The following RBMS1 variants were observed in gnomAD, a reference collection of about 807,000 sequenced individuals.
The protein encoded by RBMS1 is RNA binding motif single stranded interacting protein 1.
Under a neutral mutation model 62.3 loss-of-function variants are expected in RBMS1, and 17 were observed. That is an observed-to-expected ratio of 0.27 (90% CI 0.19 to 0.41). RBMS1 has a LOEUF of 0.41. Among genes scored for constraint, RBMS1 ranks in the 10% least tolerant of loss-of-function variants. The probability of loss-of-function intolerance (pLI) is 1.00; values close to 1 mark genes in which losing one functional copy is unlikely to be tolerated. For synonymous variants in RBMS1, 172 were observed against 170.0 expected (o/e 1.01, Z -0.09); for missense variants, 334 against 504.5 (o/e 0.66, Z 3.24).
intron 1 of RBMS1, among the ~76,000 whole-genome samples, chr2:160,378,287 T>C (rs1034072208): frequency 1.3e-5 from 2 of 152,156 alleles, no homozygotes; most frequent in South Asian, 2.1e-4. Context: ...CTGTACCATT[T>C]ACAAGAAGAT....
At chr2:160,399,529 T>C (rs1695328931) in intron 1 of RBMS1, among the ~76,000 whole-genome samples, 1 of 151,892 alleles carries the variant, frequency 6.6e-6, no homozygotes, top group South Asian at 2.1e-4. Flanking sequence ...TGTATGCTTT[T>C]TTTTTTTTTA....
intron 1 of RBMS1, among the ~76,000 whole-genome samples, chr2:160,378,644 C>T (rs868014081): frequency 1.3e-5 from 2 of 150,812 alleles, no homozygotes; most frequent in African/African-American, 4.9e-5. Context: ...CACTTTGATG[C>T]TTTTCTGTCA....
intron 6 of RBMS1, among the ~76,000 whole-genome samples, chr2:160,291,479 A>AT (rs1240091855): frequency 6.6e-6 from 1 of 152,114 alleles, no homozygotes. Flanking sequence ...TCCAATAAAT[A>AT]TTATCTATTT....
chr2:160,484,178 A>G (rs1161436052), intron 1 of RBMS1, among the ~76,000 whole-genome samples: 1 of 151,960 alleles, frequency 6.6e-6, no homozygotes, highest in Non-Finnish European at 1.5e-5. Flanking sequence ...GGCTGATTCT[A>G]GGTAAACATT....
chr2:160,460,571 C>A (rs553278056), intron 1 of RBMS1, among the ~76,000 whole-genome samples: 1 of 152,314 alleles, frequency 6.6e-6, no homozygotes, highest in South Asian at 2.1e-4. Context: ...GGAGTCCTGG[C>A]TCTGCCACTA....
At chr2:160,381,137 T>G (rs1258300613) in intron 1 of RBMS1, among the ~76,000 whole-genome samples, 2 of 152,294 alleles carry the variant, frequency 1.3e-5, no homozygotes, top group African/African-American at 4.8e-5. Flanking sequence ...TTCTCCCTAA[T>G]TGCAAAATTC....
intron 2 of RBMS1, among the ~76,000 whole-genome samples, chr2:160,330,710 A>C: frequency 6.6e-6 from 1 of 151,186 alleles, no homozygotes; most frequent in Non-Finnish European, 1.5e-5. Context: ...AAAAAAAATG[A>C]GCCGATCATA....
At chr2:160,361,237 T>C (rs1573931173) in intron 2 of RBMS1, among the ~76,000 whole-genome samples, 1 of 152,354 alleles carries the variant, frequency 6.6e-6, no homozygotes, top group African/African-American at 2.4e-5. Flanking sequence ...ACTCTGCATA[T>C]GATGTCAATA....
intron 2 of RBMS1, among the ~76,000 whole-genome samples, chr2:160,346,747 A>G (rs1455475470): frequency 6.6e-6 from 1 of 152,172 alleles, no homozygotes; most frequent in Non-Finnish European, 1.5e-5. Flanking sequence ...ATGGAATGGA[A>G]AAACTGAAGA....
intron 1 of RBMS1, among the ~76,000 whole-genome samples, chr2:160,381,987 G>T (rs1026047471): frequency 2.0e-5 from 3 of 152,124 alleles, no homozygotes; most frequent in African/African-American, 4.8e-5. Flanking sequence ...TCTACATTTG[G>T]ATTAAAGAAC....
chr2:160,439,524 T>C (rs896229415), intron 1 of RBMS1, among the ~76,000 whole-genome samples: 27 of 148,322 alleles, frequency 1.8e-4, no homozygotes, highest in African/African-American at 6.6e-4. Flanking sequence ...GCTCCTCACT[T>C]CCTAGATGGG....
At chr2:160,478,211 C>T (rs886601637) in intron 1 of RBMS1, among the ~76,000 whole-genome samples, 2 of 152,226 alleles carry the variant, frequency 1.3e-5, no homozygotes, top group African/African-American at 2.4e-5. Context: ...AAATTGTCCA[C>T]GGTCCTTTCC....
rs1181640365 is a variant in RBMS1 at position 160,450,564 on chromosome 2, G to GAAAAA, written c.75+42720_75+42724dup. On this transcript the variant is annotated intron_variant, in intron 1 of 13. Transcript: ENST00000348849. ...TCAAAAAAAATAAAAAATAAAAAAT[G>GAAAAA]AAAAAAAAAAAAAAACAAAAAACAT... Among the ~76,000 whole-genome samples the GAAAAA allele has an allele frequency of 6.0e-4, 34 of 56,556 alleles. 2 individuals are homozygous for GAAAAA. Among genetic ancestry groups the GAAAAA allele is most frequent in the Non-Finnish European group, 7.9e-4 (25 of 31,766 alleles). The allele number at this position is 56,556 out of a possible 152,430, so 37.1% of individuals were successfully genotyped here.
intron 1 of RBMS1, among the ~76,000 whole-genome samples, chr2:160,456,151 A>G (rs929545798): frequency 6.6e-6 from 1 of 152,234 alleles, no homozygotes; most frequent in Admixed American, 6.5e-5. Context: ...AACAAACTTA[A>G]AAAGGTAAAA....
chr2:160,314,999 C>T (rs901320770), intron 3 of RBMS1, among the ~76,000 whole-genome samples: 1 of 152,140 alleles, frequency 6.6e-6, no homozygotes, highest in African/African-American at 2.4e-5. Flanking sequence ...ACAGCTTTTA[C>T]TGATGGATAT....
At chr2:160,358,626 A>C (rs1195311676) in intron 2 of RBMS1, among the ~76,000 whole-genome samples, 1 of 152,190 alleles carries the variant, frequency 6.6e-6, no homozygotes, top group Non-Finnish European at 1.5e-5. Context: ...TTTATAAAAC[A>C]AAATTTGTAA....
intron 3 of RBMS1, 70 bp from the exon 4 acceptor site, chr2:160,313,317 C>A (rs10929977): frequency 7.0e-7 from 1 of 1,435,724 alleles, no homozygotes; most frequent in Non-Finnish European, 9.6e-7. Flanking sequence ...AAAAGAACAG[C>A]TCTACTTTGT....
At chr2:160,458,922 A>G (rs1321278011) in intron 1 of RBMS1, among the ~76,000 whole-genome samples, 1 of 152,182 alleles carries the variant, frequency 6.6e-6, no homozygotes, top group Non-Finnish European at 1.5e-5. Flanking sequence ...TTCACTTTAG[A>G]TGCACACAGC....
intron 2 of RBMS1, among the ~76,000 whole-genome samples, chr2:160,362,752 G>C (rs972748885): frequency 6.6e-6 from 1 of 152,142 alleles, no homozygotes; most frequent in African/African-American, 2.4e-5. Flanking sequence ...GCCCAATGCA[G>C]GGTTGCTACA....
Sources: gnomAD v4.1 joint callset for allele counts (sites outside exome capture counted in the v4.1 genomes callset) on GRCh38, gnomAD v4.1.1 for gene constraint, MANE v1.5 for transcripts, NCBI Gene and HGNC (gene_info 2026-07-23, HGNC 2026-07-21) for gene names.